The following PPIL2 variants were observed in gnomAD, a reference collection of about 807,000 sequenced individuals.
PPIL2 encodes the protein peptidylprolyl isomerase like 2, also known as RING-type E3 ubiquitin-protein ligase PPIL2.
PPIL2 carries 50 observed loss-of-function variants against 75.2 expected under a neutral mutation model. The ratio of observed to expected loss-of-function variants is 0.66; its 90% CI spans 0.53 to 0.84. PPIL2 has a LOEUF of 0.84. Among genes scored for constraint, PPIL2 ranks in the 40% least tolerant of loss-of-function variants. PPIL2 has a pLI of 0.00. For missense variants in PPIL2, 590 were observed against 685.0 expected (o/e 0.86, Z 1.55); for synonymous variants, 245 against 258.8 (o/e 0.95, Z 0.51).
chr22:21,698,421 A>C (rs1358850219), downstream of PPIL2: 2 of 152,008 alleles, frequency 1.3e-5, no homozygotes, highest in African/African-American at 4.8e-5. Context: ...TATATACAAA[A>C]ACCACTCGGT....
At chr22:21,685,540 AATTT>A (rs2067320118) in intron 10 of PPIL2, 6 of 378,460 alleles carry the variant, frequency 1.6e-5, no homozygotes, top group Non-Finnish European at 2.5e-5. Flanking sequence ...AATTCTGGAA[AATTT>A]GAAAAAGAAA....
intron 5 of PPIL2, 108 bp downstream of exon 5, chr22:21,672,489 C>T (rs2066674320): frequency 2.6e-6 from 3 of 1,138,050 alleles, no homozygotes; most frequent in Non-Finnish European, 2.6e-6. Context: ...GAGAACCGTT[C>T]ATGGGGCCCA....
intron 1 of PPIL2, among the ~76,000 whole-genome samples, chr22:21,668,112 C>CT (rs2066466050): frequency 1.3e-5 from 2 of 151,836 alleles, no homozygotes; most frequent in South Asian, 4.2e-4. Flanking sequence ...AAACAGAACT[C>CT]TTGATTTTCA....
intron 15 of PPIL2, among the ~76,000 whole-genome samples, chr22:21,690,402 A>T (rs2067570721): frequency 6.6e-6 from 1 of 151,422 alleles, no homozygotes; most frequent in Non-Finnish European, 1.5e-5. Context: ...AAAAAATCAA[A>T]CGAGTCAGCT....
chr22:21,695,464 G>A lies in PPIL2; in HGVS notation c.1537G>A (p.Gly513Ser). The A allele has an allele frequency of 1.2e-6, 2 of 1,605,820 alleles. No individual in the cohort carries two copies. Among genetic ancestry groups the A allele is most frequent in the South Asian group, 1.1e-5 (1 of 89,376 alleles). ...CATGTCCAAGAAGAAGCCCAGTCGG[G>A]GTTTTGGGGACTTCAGCTCCTGGTA... The part of the protein sequence containing the change: ...VPMSKKKPSR[G>S]FGDFSSW The change falls in exon 20 of 20, where the codon GGT (glycine) becomes AGT (serine). Residue 513 changes from glycine (G) to serine (S), a missense_variant. By Grantham distance (56) the Gly-to-Ser change is moderately conservative. Transcript: ENST00000398831.
intron 6 of PPIL2, 75 bp downstream of exon 6, chr22:21,675,190 C>A: frequency 7.5e-7 from 1 of 1,334,812 alleles, no homozygotes; most frequent in East Asian, 2.3e-5. Context: ...AGTTTTCATA[C>A]GGAATCAGTC....
At chr22:21,690,958 T>C (rs2067596654) in intron 15 of PPIL2, among the ~76,000 whole-genome samples, 1 of 1,880 alleles carries the variant, frequency 5.3e-4, no homozygotes, top group Non-Finnish European at 1.2e-3. Flanking sequence ...CCACCTTCTC[T>C]TTTTTTTTTT....
At position 21,671,747 on chromosome 22, in the gene PPIL2, T is replaced by C. The variant is rs116755540; in HGVS notation, c.192-583T>C. Among the ~76,000 whole-genome samples the C allele has an allele frequency of 4.3e-3, 650 of 152,272 alleles. 6 individuals carry two copies. Among genetic ancestry groups the C allele is most frequent in the African/African-American group, 0.015 (616 of 41,558 alleles). On this transcript the variant is annotated intron_variant, in intron 4 of 19. Transcript: ENST00000398831. ...TTTTTGATGCTAGCTTAGTATTTAA[T>C]TATACAGATGTATCAACATTTATGA...
downstream of PPIL2, chr22:21,699,295 G>C (rs2068039606): frequency 6.6e-6 from 1 of 152,464 alleles, no homozygotes; most frequent in Non-Finnish European, 1.5e-5. Flanking sequence ...GCCAGGCTGA[G>C]AACTATCCGG....
chr22:21,696,951 T>G lies in PPIL2; in HGVS notation c.*1461T>G. 1 of 1,576,656 alleles carries G rather than the reference T, an allele frequency of 6.3e-7. No individual in the cohort carries two copies. Among genetic ancestry groups the G allele is most frequent in the Non-Finnish European group, 8.6e-7 (1 of 1,161,568 alleles). The stretch of plus-strand genomic sequence containing the variant: ...CCTGCTGCACACCAATCTGTGGCCC[T>G]TCATCATGCTAAGAACAAGAACTGC... On this transcript the variant is annotated 3_prime_UTR_variant, in exon 20 of 20. Coordinates refer to ENST00000398831, the MANE Select transcript of PPIL2 (RefSeq NM_014337.4).
At chr22:21,675,884 A>G (rs2066820496) in intron 6 of PPIL2, among the ~76,000 whole-genome samples, 2 of 152,190 alleles carry the variant, frequency 1.3e-5, no homozygotes, top group African/African-American at 2.4e-5. Context: ...CTCCTGCTTC[A>G]TGCCCATTAC....
chr22:21,694,376 AAAAC>A (rs1007091692), intron 16 of PPIL2, among the ~76,000 whole-genome samples: 23 of 151,888 alleles, frequency 1.5e-4, no homozygotes, highest in African/African-American at 5.3e-4. Context: ...AACCAAAAAA[AAAAC>A]AAAAACAGAA....
At chr22:21,687,814 A>G in intron 13 of PPIL2, 82 bp downstream of exon 13, 1 of 1,401,162 alleles carries the variant, frequency 7.1e-7, no homozygotes, top group Non-Finnish European at 1.0e-6. Context: ...GCCCCATCCC[A>G]GGGCCCTGGC....
chr22:21,667,814 C>T (rs1006940049), intron 1 of PPIL2, among the ~76,000 whole-genome samples: 4 of 130,972 alleles, frequency 3.1e-5, no homozygotes, highest in South Asian at 2.4e-4. Context: ...CTTGCTCTGT[C>T]GCCCAGGCTG....
rs1165695422 is a variant in PPIL2 at position 21,679,805 on chromosome 22, AGGCCAGGTGCGGT to A, written c.296-1490_296-1478del. Among the ~76,000 whole-genome samples, 5 of 151,396 alleles carry A rather than the reference AGGCCAGGTGCGGT, an allele frequency of 3.3e-5. No homozygotes were observed. In the East Asian group the frequency reaches 9.9e-4, roughly 30 times the overall value. ...TTTTTTTTAAGAAAAAGTCCCCACAAGGCCAGGTGCGGTGGCTCACGCCTGTAATCCCAGCACT... is the reference window on the plus strand; with the variant it reads ...TTTTTTTTAAGAAAAAGTCCCCACAAGGCTCACGCCTGTAATCCCAGCACT... On this transcript the variant is annotated intron_variant, in intron 6 of 19. Coordinates refer to ENST00000398831, the MANE Select transcript of PPIL2 (RefSeq NM_014337.4).
chr22:21,688,052 C>T (rs369361566), intron 13 of PPIL2, 21 bp from the exon 14 acceptor site: 1 of 1,614,182 alleles, frequency 6.2e-7, no homozygotes, highest in Non-Finnish European at 8.5e-7. Flanking sequence ...GTGACTTGCT[C>T]ACTGGCTTTT....
intron 6 of PPIL2, among the ~76,000 whole-genome samples, chr22:21,678,346 C>T (rs1052589159): frequency 2.6e-5 from 4 of 152,162 alleles, no homozygotes; most frequent in African/African-American, 9.7e-5. Flanking sequence ...ATCCTCCCAC[C>T]TCAGCCTCCC....
Position 21,682,595 on chromosome 22 carries a change from C to CTGCCTCCTCAGTCTAGCT in PPIL2, c.477+69_477+70insTGCCTCCTCAGTCTAGCT. ...GCAGCCAGCCCAGGCCTCTACAGGG[C>CTGCCTCCTCAGTCTAGCT]CCTACCCCCACGTCAGGGCCCCTCA... On this transcript the variant is annotated intron_variant, in intron 8 of 19. Coordinates refer to ENST00000398831, the MANE Select transcript of PPIL2 (RefSeq NM_014337.4). 4.7e-4 allele frequency: 603 copies of CTGCCTCCTCAGTCTAGCT among 1,280,224 alleles called. 1 individual carries two copies. Among genetic ancestry groups the CTGCCTCCTCAGTCTAGCT allele is most frequent in the Admixed American group, 6.6e-4 (33 of 50,108 alleles). 79.3% of individuals were successfully genotyped at this position (1,280,224 alleles called of 1,614,324 possible).
In PPIL2 at chr22:21,692,438, G is replaced by A. The variant is rs976451242; in HGVS notation, c.1140-1378G>A. The stretch of plus-strand genomic sequence containing the variant: ...CAAAGTGCTGGGATTACAGGCGTGA[G>A]CCACTGTGCCTGGCCAATCCTGACA... On this transcript the variant is annotated intron_variant, in intron 15 of 19. Coordinates refer to ENST00000398831, the MANE Select transcript of PPIL2 (RefSeq NM_014337.4). 3.3e-5 allele frequency among the ~76,000 whole-genome samples: 5 copies of A among 152,074 alleles called. No homozygotes were observed. The East Asian group carries it at 7.9e-4, about 24-fold the overall frequency.
Sources: gnomAD v4.1 joint callset for allele counts (sites outside exome capture counted in the v4.1 genomes callset) on GRCh38, gnomAD v4.1.1 for gene constraint, MANE v1.5 for transcripts, NCBI Gene and HGNC (gene_info 2026-07-23, HGNC 2026-07-21) for gene names.